The following CRAMP1 variants were observed in gnomAD, a reference collection of about 807,000 sequenced individuals.
The protein encoded by CRAMP1 is protein cramped-like.
Under a neutral mutation model 115.4 loss-of-function variants are expected in CRAMP1, and 50 were observed. The ratio of observed to expected loss-of-function variants is 0.43; its 90% CI spans 0.35 to 0.55. The LOEUF (loss-of-function observed/expected upper bound fraction) is 0.55, where lower values mean the gene tolerates loss of function less well. CRAMP1 is among the 20% of genes least tolerant of loss of function. The probability of loss-of-function intolerance (pLI) is 0.01; values close to 1 mark genes in which losing one functional copy is unlikely to be tolerated. For missense variants in CRAMP1, 1,679 were observed against 1,721.7 expected, an observed-to-expected ratio of 0.98 and a Z score of 0.44; for synonymous variants, 866 against 745.4, an observed-to-expected ratio of 1.16 and a Z score of -2.64.
chr16:1,647,365 G>C (rs2036684593), intron 6 of CRAMP1, among the ~76,000 whole-genome samples: 1 of 152,162 alleles, frequency 6.6e-6, no homozygotes, highest in South Asian at 2.1e-4. Context: ...CGAAACGAAA[G>C]CCAGGCTCCC....
At chr16:1,664,773 C>T (rs935336835) in intron 13 of CRAMP1, among the ~76,000 whole-genome samples, 6 of 148,330 alleles carry the variant, frequency 4.0e-5, no homozygotes, top group African/African-American at 7.4e-5. Flanking sequence ...AGCAAGACAC[C>T]GTCTCAAAAA....
Position 1,666,694 on chromosome 16 carries a change from T to G in CRAMP1, c.3036+94T>G, listed in dbSNP as rs2036879547. 1 of 1,206,396 alleles carries G rather than the reference T, an allele frequency of 8.3e-7. No homozygotes were observed. The highest frequency in any genetic ancestry group is 1.3e-5 in the South Asian group (1 of 74,334). 74.7% of individuals were successfully genotyped at this position (1,206,396 alleles called of 1,614,324 possible). On this transcript the variant is annotated intron_variant, in intron 16 of 20. Coordinates refer to ENST00000397412, the MANE Select transcript of CRAMP1 (RefSeq NM_020825.4). The surrounding 1 kb of genome is among the most constrained non-coding windows in gnomAD (Gnocchi z 5.0). ...CTGAGATCACGCTGGACTCCAGCTC[T>G]GCCTTTGGAGGAGAGTCTCTGGACC...
chr16:1,659,746 C>CAGAG, intron 10 of CRAMP1, 140 bp from the exon 11 acceptor site: 1 of 803,466 alleles, frequency 1.2e-6, no homozygotes, highest in Non-Finnish European at 2.0e-6. Context: ...TGAGGTTGGG[C>CAGAG]GTCTCTGGCC....
In CRAMP1 at chr16:1,677,703, A is replaced by G. The variant is rs1208275273; in HGVS notation, c.*3658A>G. 6.6e-6 allele frequency: 1 copy of G among 152,662 alleles called. No homozygotes were observed. Among genetic ancestry groups the G allele is most frequent in the East Asian group, 1.9e-4 (1 of 5,206 alleles). 9.5% of individuals were successfully genotyped at this position (152,662 alleles called of 1,614,324 possible). A position where few individuals can be genotyped will look rare whatever the true frequency, so the allele number is the denominator to read the frequency against. On this transcript the variant is annotated 3_prime_UTR_variant, in exon 21 of 21. Coordinates refer to ENST00000397412, the MANE Select transcript of CRAMP1 (RefSeq NM_020825.4). ...TTATAGATTATAAATATGCATATACAGTGTATGTATAAAGCAGAATGCCTG... is the reference window on the plus strand; with the variant it reads ...TTATAGATTATAAATATGCATATACGGTGTATGTATAAAGCAGAATGCCTG...
chr16:1,642,428 C>T (rs142164506), intron 6 of CRAMP1, among the ~76,000 whole-genome samples: 1 of 152,230 alleles, frequency 6.6e-6, no homozygotes, highest in African/African-American at 2.4e-5. Flanking sequence ...GTGACCACAG[C>T]CACCAGAAAG....
intron 5 of CRAMP1, 22 bp from the exon 6 acceptor site, chr16:1,641,113 CATTT>C (rs912970490): frequency 5.8e-6 from 9 of 1,562,658 alleles, no homozygotes; most frequent in Middle Eastern, 1.7e-4. Flanking sequence ...ATTGTGGTCT[CATTT>C]ATTTATTTTT....
intron 2 of CRAMP1, 22 bp from the exon 3 acceptor site, chr16:1,625,951 T>C (rs1264569798): frequency 1.3e-6 from 2 of 1,551,114 alleles, no homozygotes; most frequent in East Asian, 2.4e-5. Flanking sequence ...AACAGATCAC[T>C]GTACGGTGCT....
At chr16:1,631,715 A>G (rs1249988407) in intron 3 of CRAMP1, among the ~76,000 whole-genome samples, 1 of 152,250 alleles carries the variant, frequency 6.6e-6, no homozygotes, top group Non-Finnish European at 1.5e-5. Context: ...TCCACGTATA[A>G]TCAGAGTATA....
Position 1,614,845 on chromosome 16 carries a change from C to A in CRAMP1, c.206C>A (p.Pro69Gln), listed in dbSNP as rs1011131956. The A allele has an allele frequency of 2.3e-6, 3 of 1,283,292 alleles. 1 individual carries two copies. The highest frequency in any genetic ancestry group is 6.3e-5 in the South Asian group (2 of 31,584). The allele number at this position is 1,283,292 out of a possible 1,614,324, so 79.5% of individuals were successfully genotyped here. The change falls in exon 2 of 21, where the codon CCG (proline) becomes CAG (glutamine). Residue 69 changes from proline (P) to glutamine (Q), a missense_variant. Around this residue, in one of 8 missense-constraint regions of CRAMP1, gnomAD observed 264 missense variants for 229.7 expected, o/e 1.15. Coordinates refer to ENST00000397412, the MANE Select transcript of CRAMP1 (RefSeq NM_020825.4). The surrounding 1 kb of genome is among the most constrained non-coding windows in gnomAD (Gnocchi z 4.4). ...PPAPPGAPQA[P>Q]SPPQGSPQDQ... ...GCGCCCCCCGGCGCGCCGCAGGCGC[C>A]GTCCCCGCCGCAGGGCAGCCCCCAG...
chr16:1,645,730 C>A (rs914381070), intron 6 of CRAMP1, among the ~76,000 whole-genome samples: 1 of 152,148 alleles, frequency 6.6e-6, no homozygotes, highest in Non-Finnish European at 1.5e-5. Flanking sequence ...CTAGCTTCAC[C>A]CCAGCAGCCT....
In CRAMP1 at chr16:1,655,213, C is replaced by A; in HGVS notation, c.1038-6C>A. 1 of 1,613,144 alleles carries A rather than the reference C, an allele frequency of 6.2e-7. No individual in the cohort carries two copies. Among genetic ancestry groups the A allele is most frequent in the African/African-American group, 1.3e-5 (1 of 75,052 alleles). Reference sequence around the variant, plus strand: ...CCTCACTTCCTCCTGTCTGTCGTCTCCGTAGGATGATCGTGGAGCTACATC... The same window carrying A: ...CCTCACTTCCTCCTGTCTGTCGTCTACGTAGGATGATCGTGGAGCTACATC... On this transcript the variant is annotated splice_region_variant and splice_polypyrimidine_tract_variant and intron_variant, in intron 8 of 20. Coordinates refer to ENST00000397412, the MANE Select transcript of CRAMP1 (RefSeq NM_020825.4).
At chr16:1,657,534 G>T (rs1004778629) in intron 10 of CRAMP1, among the ~76,000 whole-genome samples, 4 of 152,208 alleles carry the variant, frequency 2.6e-5, no homozygotes, top group Admixed American at 2.0e-4. Flanking sequence ...GCTCTGGAAA[G>T]ACCATCCCAG....
In CRAMP1 at chr16:1,674,489, C is replaced by T. The variant is rs1255520135; in HGVS notation, c.*444C>T. 3 of 192,820 alleles carry T rather than the reference C, an allele frequency of 1.6e-5. No homozygotes were observed. The highest frequency in any genetic ancestry group is 2.2e-5 in the Non-Finnish European group (2 of 92,388). 11.9% of individuals were successfully genotyped at this position (192,820 alleles called of 1,614,324 possible). On this transcript the variant is annotated 3_prime_UTR_variant, in exon 21 of 21. Coordinates refer to ENST00000397412, the MANE Select transcript of CRAMP1 (RefSeq NM_020825.4). ...CCCTGCTGCTTGCTTTCTGCCAAACCTGTGCTATGCATCAGCTGTGCCCTC... is the reference window on the plus strand; with the variant it reads ...CCCTGCTGCTTGCTTTCTGCCAAACTTGTGCTATGCATCAGCTGTGCCCTC...
chr16:1,676,476 CAT>C lies in CRAMP1; in HGVS notation c.*2433_*2434del, dbSNP rs2036969327. On this transcript the variant is annotated 3_prime_UTR_variant, in exon 21 of 21. Coordinates refer to ENST00000397412, the MANE Select transcript of CRAMP1 (RefSeq NM_020825.4). Reference sequence around the variant, plus strand: ...GCCTAAATGAATATTTATGTGCAAACATAGGCAACTGTTAAAGGCTGGAATTT... The same window carrying C: ...GCCTAAATGAATATTTATGTGCAAACAGGCAACTGTTAAAGGCTGGAATTT... 1 of 152,212 alleles carries C rather than the reference CAT, an allele frequency of 6.6e-6. No individual in the cohort carries two copies. The highest frequency in any genetic ancestry group is 2.4e-5 in the African/African-American group (1 of 41,440). 9.4% of individuals were successfully genotyped at this position (152,212 alleles called of 1,614,324 possible).
chr16:1,662,614 C>G lies in CRAMP1; in HGVS notation c.2538C>G (p.Leu846=). 6.2e-7 allele frequency: 1 copy of G among 1,614,044 alleles called. No homozygotes were observed. Among genetic ancestry groups the G allele is most frequent in the South Asian group, 1.1e-5 (1 of 91,086 alleles). Residue 846 remains leucine (L), a synonymous_variant, in exon 12 of 21, where the codon CTC becomes CTG. Transcript: ENST00000397412. The part of the protein sequence containing the change: ...TLPPNSRHGK[L]FSPSKEAELT... ...CACCCAACAGCCGACACGGGAAGCT[C>G]TTCTCTCCCAGTAAAGAAGCAGAGC...
intron 10 of CRAMP1, among the ~76,000 whole-genome samples, chr16:1,657,390 C>G (rs1278510040): frequency 6.6e-6 from 1 of 152,190 alleles, no homozygotes; most frequent in East Asian, 1.9e-4. Flanking sequence ...TCTGCCAAGC[C>G]CAATCATGCA....
intron 5 of CRAMP1, among the ~76,000 whole-genome samples, chr16:1,639,294 A>G (rs886909918): frequency 6.6e-6 from 1 of 151,998 alleles, no homozygotes; most frequent in Non-Finnish European, 1.5e-5. Flanking sequence ...ATGAAGCAAC[A>G]AAAGCAGAGA....
chr16:1,647,737 A>T lies in CRAMP1; in HGVS notation c.828-4759A>T, dbSNP rs531896347. On this transcript the variant is annotated intron_variant, in intron 6 of 20. Transcript: ENST00000397412. ...GCACTCCAGCCTGGGCGACAGAGTG[A>T]GACTCTGCCTTAAAAAAAAAAAAAA... is the stretch of plus-strand genomic sequence containing the variant. 2.1e-4 allele frequency among the ~76,000 whole-genome samples: 28 copies of T among 130,746 alleles called. No homozygotes were observed. The South Asian group carries it at 7.6e-3, about 35-fold the overall frequency. The allele number at this position is 130,746 out of a possible 152,430, so 85.8% of individuals were successfully genotyped here. A position where few individuals can be genotyped will look rare whatever the true frequency, so the allele number is the denominator to read the frequency against.
At chr16:1,637,001 C>T (rs564825667) in intron 4 of CRAMP1, among the ~76,000 whole-genome samples, 9 of 152,272 alleles carry the variant, frequency 5.9e-5, no homozygotes, top group Non-Finnish European at 1.0e-4. Context: ...CCAAATAAAA[C>T]AGGGGCCTTG....
Sources: gnomAD v4.1 joint callset for allele counts (sites outside exome capture counted in the v4.1 genomes callset) on GRCh38, gnomAD v4.1.1 for gene constraint, gnomAD v4.1.1 regional missense constraint, Gnocchi (gnomAD v3.1) non-coding constraint, MANE v1.5 for transcripts, NCBI Gene and HGNC (gene_info 2026-07-23, HGNC 2026-07-21) for gene names.